The following PROS1 variants were observed in gnomAD, a reference collection of about 807,000 sequenced individuals.
PROS1 encodes the protein vitamin K-dependent protein S.
A neutral mutation model predicts 75.9 loss-of-function variants in PROS1; 29 were observed. The ratio of observed to expected loss-of-function variants is 0.38; its 90% CI spans 0.28 to 0.52. The LOEUF (loss-of-function observed/expected upper bound fraction) is 0.52, where lower values mean the gene tolerates loss of function less well. Ranked by LOEUF, PROS1 falls within the 20% of genes least tolerant of loss-of-function variation. PROS1 has a pLI of 0.83. For missense variants in PROS1, 680 were observed against 810.3 expected (o/e 0.84, Z 1.95); for synonymous variants, 245 against 280.6 (o/e 0.87, Z 1.27).
chr3:93,938,120 G>A (rs1709217632), intron 1 of PROS1, among the ~76,000 whole-genome samples: 1 of 152,136 alleles, frequency 6.6e-6, no homozygotes, highest in Non-Finnish European at 1.5e-5. Flanking sequence ...AGATCCAGAT[G>A]GCCTGAAGCA....
chr3:93,912,333 C>T (rs1708770161), intron 3 of PROS1, among the ~76,000 whole-genome samples: 1 of 152,158 alleles, frequency 6.6e-6, no homozygotes, highest in African/African-American at 2.4e-5. Flanking sequence ...ATCGGGTCCT[C>T]TCAGATATCC....
At chr3:93,917,373 C>T (rs1708872610) in intron 3 of PROS1, among the ~76,000 whole-genome samples, 3 of 152,228 alleles carry the variant, frequency 2.0e-5, no homozygotes, top group Admixed American at 2.0e-4. Flanking sequence ...GATCTTGGCT[C>T]ACCGCAACCT....
chr3:93,931,807 C>G (rs1709110478), intron 1 of PROS1, among the ~76,000 whole-genome samples: 1 of 152,220 alleles, frequency 6.6e-6, no homozygotes, highest in South Asian at 2.1e-4. Context: ...CGTGTTTGGT[C>G]TCCCATGACT....
intron 1 of PROS1, among the ~76,000 whole-genome samples, chr3:93,960,532 C>CCTTTTT (rs1709690641): frequency 2.0e-5 from 1 of 50,118 alleles, no homozygotes; most frequent in African/African-American, 9.3e-5. Context: ...CTCCATTGCT[C>CCTTTTT]TTTTTTTTTT....
intron 1 of PROS1, among the ~76,000 whole-genome samples, chr3:93,971,399 A>ATAAT (rs566302298): frequency 2.3e-5 from 3 of 130,458 alleles, no homozygotes; most frequent in African/African-American, 5.7e-5. Context: ...AAATAAATAA[A>ATAAT]TAATTCTAAA....
At chr3:93,948,074 A>C (rs1709434037) in intron 1 of PROS1, among the ~76,000 whole-genome samples, 1 of 152,198 alleles carries the variant, frequency 6.6e-6, no homozygotes, top group Non-Finnish European at 1.5e-5. Context: ...CCAACTACCT[A>C]GTTTACCCAG....
intron 10 of PROS1, among the ~76,000 whole-genome samples, chr3:93,889,387 G>T (rs1708395713): frequency 6.6e-6 from 1 of 151,612 alleles, no homozygotes; most frequent in Non-Finnish European, 1.5e-5. Context: ...TAAATATTTT[G>T]CTGAATGAAT....
At chr3:93,886,830 CTA>C (rs1708355192) in intron 10 of PROS1, among the ~76,000 whole-genome samples, 1 of 151,268 alleles carries the variant, frequency 6.6e-6, no homozygotes, top group African/African-American at 2.4e-5. Context: ...GTGAGCCATT[CTA>C]TCTTAGGAAA....
At chr3:93,925,602 C>T (rs1709004524) in intron 2 of PROS1, among the ~76,000 whole-genome samples, 1 of 151,986 alleles carries the variant, frequency 6.6e-6, no homozygotes, top group South Asian at 2.1e-4. Context: ...CTTTGGGAGA[C>T]TAAGGTGGGC....
At chr3:93,942,865 A>T (rs1314526774) in intron 1 of PROS1, among the ~76,000 whole-genome samples, 1 of 152,020 alleles carries the variant, frequency 6.6e-6, no homozygotes, top group East Asian at 1.9e-4. Context: ...CCTTCCCTAC[A>T]CATCAGGCTC....
At chr3:93,948,758 T>C (rs1249447459) in intron 1 of PROS1, among the ~76,000 whole-genome samples, 1 of 152,260 alleles carries the variant, frequency 6.6e-6, no homozygotes, top group Non-Finnish European at 1.5e-5. Flanking sequence ...TTTTGTTTTA[T>C]GCGTGCCAGA....
At chr3:93,963,020 C>T (rs755637795) in intron 1 of PROS1, among the ~76,000 whole-genome samples, 4 of 152,204 alleles carry the variant, frequency 2.6e-5, no homozygotes, top group Non-Finnish European at 5.9e-5. Context: ...TGTCACTTGG[C>T]CTAGCCAATG....
At chr3:93,958,018 G>A (rs1219234175) in intron 1 of PROS1, among the ~76,000 whole-genome samples, 2 of 152,026 alleles carry the variant, frequency 1.3e-5, no homozygotes, top group Non-Finnish European at 2.9e-5. Flanking sequence ...AACCCAGGAA[G>A]CGGAGGTTGC....
intron 1 of PROS1, among the ~76,000 whole-genome samples, chr3:93,938,429 G>A (rs182817043): frequency 2.6e-4 from 39 of 152,152 alleles, no homozygotes; most frequent in South Asian, 2.3e-3. Flanking sequence ...CTCTTCACAC[G>A]GACGCACATG....
chr3:93,894,040 A>G (rs1425824405), intron 9 of PROS1, among the ~76,000 whole-genome samples: 1 of 152,166 alleles, frequency 6.6e-6, no homozygotes, highest in East Asian at 1.9e-4. Flanking sequence ...TTGACGAAAG[A>G]CAAACAGGGA....
chr3:93,901,707 A>C (rs929230255), intron 6 of PROS1, among the ~76,000 whole-genome samples: 4 of 152,210 alleles, frequency 2.6e-5, no homozygotes, highest in African/African-American at 9.6e-5. Context: ...TTAGGATATT[A>C]TTTAAAATAA....
intron 1 of PROS1, among the ~76,000 whole-genome samples, chr3:93,927,901 G>A (rs1197751915): frequency 1.6e-4 from 20 of 127,850 alleles, no homozygotes; most frequent in Admixed American, 9.0e-4. Context: ...ATATATATAT[G>A]TGTGTGTGTG....
At chr3:93,943,167 A>G (rs563646805) in intron 1 of PROS1, among the ~76,000 whole-genome samples, 113 of 152,220 alleles carry the variant, frequency 7.4e-4, no homozygotes, top group African/African-American at 2.7e-3. Flanking sequence ...ACCCCTTACC[A>G]ACCTCAATCT....
chr3:93,935,865 A>C (rs1388288211), intron 1 of PROS1, among the ~76,000 whole-genome samples: 1 of 151,832 alleles, frequency 6.6e-6, no homozygotes, highest in Non-Finnish European at 1.5e-5. Context: ...AAAGGAGAGA[A>C]TATCATTGGG....
Sources: gnomAD v4.1 joint callset for allele counts (sites outside exome capture counted in the v4.1 genomes callset) on GRCh38, gnomAD v4.1.1 for gene constraint, MANE v1.5 for transcripts, NCBI Gene and HGNC (gene_info 2026-07-23, HGNC 2026-07-21) for gene names.